SLC17A8: variants seen among roughly 807,000 people sequenced by gnomAD.
The protein encoded by SLC17A8 is solute carrier family 17 member 8, also known as vesicular glutamate transporter 3.
SLC17A8 carries 31 observed loss-of-function variants against 58.0 expected under a neutral mutation model. That is an observed-to-expected ratio of 0.53 (90% CI 0.40 to 0.72). SLC17A8 has a LOEUF of 0.72. SLC17A8 is among the 30% of genes least tolerant of loss of function. SLC17A8 has a pLI of 0.00. For synonymous variants in SLC17A8, 228 were observed against 249.0 expected (o/e 0.92, Z 0.79); for missense variants, 655 against 727.8 (o/e 0.90, Z 1.15).
chr12:100,404,003 A>G, intron 8 of SLC17A8, 35 bp from the exon 9 acceptor site: 1 of 1,613,690 alleles, frequency 6.2e-7, no homozygotes, highest in Non-Finnish European at 8.5e-7. Flanking sequence ...TCTCAGAAAT[A>G]ATGACAAACT....
At position 100,357,498 on chromosome 12, in the gene SLC17A8, G is replaced by A. The variant is rs574367715; in HGVS notation, c.101+6G>A. 1.9e-6 allele frequency: 3 copies of A among 1,564,808 alleles called. No homozygotes were observed. In the South Asian group the frequency reaches 3.3e-5, roughly 17 times the overall value. On this transcript the variant is annotated splice_donor_region_variant and intron_variant, in intron 1 of 11. Coordinates refer to ENST00000323346, the MANE Select transcript of SLC17A8 (RefSeq NM_139319.3). ...TCTTTGGGAATTTTACAAAGGTAAAGTTTGAATGCGAACTTTAGTTCCTTT... is the reference window on the plus strand; with the variant it reads ...TCTTTGGGAATTTTACAAAGGTAAAATTTGAATGCGAACTTTAGTTCCTTT...
chr12:100,389,206 G>A (rs1370024089), intron 2 of SLC17A8, among the ~76,000 whole-genome samples: 1 of 152,200 alleles, frequency 6.6e-6, no homozygotes, highest in Non-Finnish European at 1.5e-5. Context: ...AGGTTGTGTT[G>A]TTGCTATTGC....
Position 100,419,834 on chromosome 12 carries a change from AT to A in SLC17A8, c.1446del (p.Asn482LysfsTer5), listed in dbSNP as rs1264766207. ...TRHKTREEWQ[N>X]VFLIAALVHY... The stretch of plus-strand genomic sequence containing the variant: ...ATTTAGACCCGTGAAGAATGGCAGA[AT>A]GTGTTCCTCATAGCTGCCCTGGTGC... On this transcript the variant is annotated frameshift_variant, in exon 12 of 12. Transcript: ENST00000323346. LOFTEE classifies it high-confidence loss of function. 6.2e-7 allele frequency: 1 copy of A among 1,613,822 alleles called. No individual in the cohort carries two copies. Among genetic ancestry groups the A allele is most frequent in the African/African-American group, 1.3e-5 (1 of 75,032 alleles).
intron 5 of SLC17A8, among the ~76,000 whole-genome samples, chr12:100,397,052 C>A (rs961090106): frequency 6.6e-6 from 1 of 152,112 alleles, no homozygotes; most frequent in Admixed American, 6.6e-5. Flanking sequence ...ATTTCTTTGG[C>A]CCTAACTGTA....
chr12:100,358,310 C>T (rs905657311), intron 1 of SLC17A8, among the ~76,000 whole-genome samples: 2 of 152,094 alleles, frequency 1.3e-5, no homozygotes, highest in Non-Finnish European at 2.9e-5. Flanking sequence ...AACTTTGATA[C>T]ACTTTTTATT....
intron 9 of SLC17A8, 36 bp downstream of exon 9, chr12:100,404,206 T>C (rs777592538): frequency 6.2e-7 from 1 of 1,613,782 alleles, no homozygotes; most frequent in East Asian, 2.2e-5. Flanking sequence ...AGGCAGCTTT[T>C]GTAGAATTAG....
At chr12:100,375,176 G>T (rs376206335) in intron 1 of SLC17A8, among the ~76,000 whole-genome samples, 3 of 150,504 alleles carry the variant, frequency 2.0e-5, no homozygotes, top group African/African-American at 7.4e-5. Context: ...AGGCTGGAGT[G>T]CAGTGGCACA....
At position 100,420,948 on chromosome 12, in the gene SLC17A8, C is replaced by T. The variant is rs1198801472; in HGVS notation, c.*789C>T. 1.3e-5 allele frequency: 2 copies of T among 152,144 alleles called. No homozygotes were observed. Among genetic ancestry groups the T allele is most frequent in the Admixed American group, 6.6e-5 (1 of 15,264 alleles). 9.4% of individuals were successfully genotyped at this position (152,144 alleles called of 1,614,324 possible). On this transcript the variant is annotated 3_prime_UTR_variant, in exon 12 of 12. Transcript: ENST00000323346. ...CAGTGTTCTATGTTATCTGAAGAGT[C>T]AAATGGTTTTGTGACTCCATAGTTT...
At chr12:100,396,709 C>A (rs889250935) in intron 5 of SLC17A8, among the ~76,000 whole-genome samples, 4 of 151,936 alleles carry the variant, frequency 2.6e-5, no homozygotes, top group Non-Finnish European at 4.4e-5. Flanking sequence ...ATGATGGCCA[C>A]AGCACTCCAG....
intron 1 of SLC17A8, 75 bp downstream of exon 1, chr12:100,357,567 C>A: frequency 9.7e-7 from 1 of 1,026,808 alleles, no homozygotes; most frequent in South Asian, 1.3e-5. Context: ...CTTGGTATCA[C>A]GTTTTTAAAA....
Position 100,418,113 on chromosome 12 carries a change from G to T in SLC17A8, c.1382G>T (p.Gly461Val), listed in dbSNP as rs147189857. ...GISNGVGTLSGMVCPLIVGAM... is the reference protein window; with the variant it reads ...GISNGVGTLSVMVCPLIVGAM... ...TCAAACGGAGTGGGAACCCTCTCTG[G>T]AATGGTCTGTCCCCTCATTGTCGGT... The change falls in exon 11 of 12, where the codon GGA becomes GTA. Residue 461 changes from glycine (G) to valine (V), a missense_variant. Transcript: ENST00000323346. 6.2e-7 allele frequency: 1 copy of T among 1,614,112 alleles called. No individual in the cohort carries two copies. Among genetic ancestry groups the T allele is most frequent in the Middle Eastern group, 1.6e-4 (1 of 6,062 alleles).
At chr12:100,418,291 T>C in intron 11 of SLC17A8, 135 bp downstream of exon 11, 1 of 1,079,342 alleles carries the variant, frequency 9.3e-7, no homozygotes, top group Non-Finnish European at 1.4e-6. Context: ...TGAACTTCTT[T>C]TTTTTTTCTT....
rs1399715297 is a variant in SLC17A8, at chr12:100,397,989, A to C, written c.676+1572A>C. Among the ~76,000 whole-genome samples, 5 of 152,018 alleles carry C rather than the reference A, an allele frequency of 3.3e-5. No individual in the cohort carries two copies. In the East Asian group the frequency reaches 9.7e-4, roughly 29 times the overall value. On this transcript the variant is annotated intron_variant, in intron 5 of 11. Coordinates refer to ENST00000323346, the MANE Select transcript of SLC17A8 (RefSeq NM_139319.3). Reference sequence around the variant, plus strand: ...GACCACAAAAGTCACAGTGTGGCCTAGGCAGTGTGAATTACAGCTTAGGTC... The same window carrying C: ...GACCACAAAAGTCACAGTGTGGCCTCGGCAGTGTGAATTACAGCTTAGGTC...
rs1189971201 is a variant in SLC17A8 at position 100,421,393 on chromosome 12, T to C, written c.*1234T>C. On this transcript the variant is annotated 3_prime_UTR_variant, in exon 12 of 12. Transcript: ENST00000323346. ...CAGGGAAATCACAATAATATAGCAG[T>C]AGTTATACAGAGAAATACTACAATG... is the stretch of plus-strand genomic sequence containing the variant. 3 of 152,130 alleles carry C rather than the reference T, an allele frequency of 2.0e-5. No individual in the cohort carries two copies. Among genetic ancestry groups the C allele is most frequent in the Non-Finnish European group, 4.4e-5 (3 of 68,008 alleles). The allele number at this position is 152,130 out of a possible 1,614,324, so 9.4% of individuals were successfully genotyped here. A position where few individuals can be genotyped will look rare whatever the true frequency, so the allele number is the denominator to read the frequency against.
At chr12:100,379,436 A>C (rs866293298) in intron 1 of SLC17A8, among the ~76,000 whole-genome samples, 2,539 of 124,202 alleles carry the variant, frequency 0.02, 45 homozygotes, top group Non-Finnish European at 0.03. Flanking sequence ...TTCCGTCCCC[A>C]AAAAAAAAAA....
At chr12:100,379,400 C>A (rs1160767633) in intron 1 of SLC17A8, among the ~76,000 whole-genome samples, 1 of 145,162 alleles carries the variant, frequency 6.9e-6, no homozygotes, top group Non-Finnish European at 1.5e-5. Flanking sequence ...CGTGCCACTG[C>A]ACTCCAGCCT....
chr12:100,409,188 TG>T (rs1952848608), intron 9 of SLC17A8, among the ~76,000 whole-genome samples: 3 of 150,428 alleles, frequency 2.0e-5, no homozygotes, highest in Non-Finnish European at 4.4e-5. Context: ...TATGTATGTA[TG>T]TATGTATGTA....
intron 2 of SLC17A8, 94 bp downstream of exon 2, chr12:100,381,047 C>A: frequency 2.7e-6 from 4 of 1,465,592 alleles, no homozygotes; most frequent in Non-Finnish European, 3.8e-6. Context: ...TCTTGGCTTA[C>A]TGCAGCCCCA....
At chr12:100,385,233 A>G (rs1426071757) in intron 2 of SLC17A8, among the ~76,000 whole-genome samples, 1 of 106,696 alleles carries the variant, frequency 9.4e-6, no homozygotes, top group Non-Finnish European at 1.8e-5. Context: ...TGTCTTAAAC[A>G]TTTTTTTTTT....
Sources: gnomAD v4.1 joint callset for allele counts (sites outside exome capture counted in the v4.1 genomes callset) on GRCh38, gnomAD v4.1.1 for gene constraint, MANE v1.5 for transcripts, NCBI Gene and HGNC (gene_info 2026-07-23, HGNC 2026-07-21) for gene names.